CAMTA1: variants seen among roughly 807,000 people sequenced by gnomAD.
CAMTA1 encodes the protein calmodulin binding transcription activator 1.
CAMTA1 carries 27 observed loss-of-function variants against 170.9 expected under a neutral mutation model. The observed-to-expected ratio is 0.16, with a 90% confidence interval of 0.12 to 0.22. CAMTA1 has a LOEUF of 0.22. Among genes scored for constraint, CAMTA1 ranks in the 10% least tolerant of loss-of-function variants. CAMTA1 has a pLI of 1.00. For synonymous variants in CAMTA1, 833 were observed against 891.5 expected (o/e 0.93, Z 1.17); for missense variants, 1,619 against 2,217.2 (o/e 0.73, Z 5.42).
At chr1:7,345,737 C>G (rs1272514928) in intron 5 of CAMTA1, among the ~76,000 whole-genome samples, 1 of 152,198 alleles carries the variant, frequency 6.6e-6, no homozygotes, top group Non-Finnish European at 1.5e-5. Context: ...GCTGGGCATG[C>G]AGTCAGGGCT....
chr1:7,516,871 G>A (rs2094293836), intron 6 of CAMTA1, among the ~76,000 whole-genome samples: 1 of 152,174 alleles, frequency 6.6e-6, no homozygotes. Flanking sequence ...GCTCTTGTTT[G>A]TAAAATGGGC....
chr1:7,398,834 G>A (rs926504056), intron 5 of CAMTA1, among the ~76,000 whole-genome samples: 6 of 151,536 alleles, frequency 4.0e-5, no homozygotes, highest in East Asian at 1.9e-4. Context: ...TAGTTACTAC[G>A]GGGTTTACAT....
chr1:7,549,137 G>T (rs1228062868), intron 6 of CAMTA1, among the ~76,000 whole-genome samples: 3 of 146,158 alleles, frequency 2.1e-5, no homozygotes, highest in Admixed American at 2.0e-4. Flanking sequence ...GATGCCCATG[G>T]AGGTGTCCCT....
intron 11 of CAMTA1, among the ~76,000 whole-genome samples, chr1:7,731,571 CAAAAAAAAAAAA>C (rs536530455): frequency 1.1e-5 from 1 of 87,026 alleles, no homozygotes; most frequent in Non-Finnish European, 2.4e-5. Flanking sequence ...CACTCTGTCT[CAAAAAAAAAAAA>C]AAAAGAAAAG....
intron 5 of CAMTA1, among the ~76,000 whole-genome samples, chr1:7,309,045 G>A (rs1676033424): frequency 6.6e-6 from 1 of 152,088 alleles, no homozygotes; most frequent in Admixed American, 6.5e-5. Context: ...TTATTAAGCA[G>A]TGTCTCTTTT....
intron 3 of CAMTA1, among the ~76,000 whole-genome samples, chr1:7,017,158 C>T (rs72638600): frequency 0.047 from 7,100 of 152,294 alleles, 206 homozygotes; most frequent in Non-Finnish European, 0.067. Context: ...CTCAGGACCT[C>T]CTGGTGCTAC....
chr1:7,766,359 G>T, intron 22 of CAMTA1, 100 bp from the exon 23 acceptor site: 1 of 1,070,502 alleles, frequency 9.3e-7, no homozygotes, highest in Non-Finnish European at 1.4e-6. Context: ...TTTTAGTCTT[G>T]GCTTTTCAGT....
chr1:7,604,720 T>C (rs2095472375), intron 6 of CAMTA1, among the ~76,000 whole-genome samples: 1 of 152,250 alleles, frequency 6.6e-6, no homozygotes, highest in Non-Finnish European at 1.5e-5. Context: ...CCGTTGCTGG[T>C]GAGGAGCTGG....
intron 5 of CAMTA1, among the ~76,000 whole-genome samples, chr1:7,306,489 T>G (rs1675609875): frequency 6.6e-6 from 1 of 152,054 alleles, no homozygotes; most frequent in African/African-American, 2.4e-5. Flanking sequence ...TCTATTCATT[T>G]TTGTGCCTAT....
rs560407193 is a variant in CAMTA1 at position 7,665,552 on chromosome 1, A to T, written c.2652+353A>T. The stretch of plus-strand genomic sequence containing the variant: ...AACGTAGTGAGAACTGGTTTCAACA[A>T]AATATTAAAAAAATAAGCCAGGTGT... On this transcript the variant is annotated intron_variant, in intron 9 of 22. Transcript: ENST00000303635. The surrounding 1 kb of genome is among the most constrained non-coding windows in gnomAD (Gnocchi z 4.3). Among the ~76,000 whole-genome samples the T allele has an allele frequency of 1.3e-4, 20 of 152,132 alleles. 1 individual carries two copies. The South Asian group carries it at 4.0e-3, about 30-fold the overall frequency.
chr1:7,448,190 C>CA (rs1248799603), intron 5 of CAMTA1, among the ~76,000 whole-genome samples: 1 of 152,200 alleles, frequency 6.6e-6, no homozygotes, highest in Non-Finnish European at 1.5e-5. Flanking sequence ...GAGGAGGGCA[C>CA]AAAGATTGAT....
intron 3 of CAMTA1, among the ~76,000 whole-genome samples, chr1:7,011,494 G>A (rs1041588124): frequency 6.6e-6 from 1 of 151,972 alleles, no homozygotes. Context: ...TGAAGATGCG[G>A]AGGACCTACC....
chr1:7,559,593 C>T lies in CAMTA1; in HGVS notation c.511-80807C>T, dbSNP rs76759240. Reference sequence around the variant, plus strand: ...GCCCTGCAGAAGGACCTGCTAATGCCACGGTTTGGGGAGGTGTTGGAGGGG... The same window carrying T: ...GCCCTGCAGAAGGACCTGCTAATGCTACGGTTTGGGGAGGTGTTGGAGGGG... On this transcript the variant is annotated intron_variant, in intron 6 of 22. Coordinates refer to ENST00000303635, the MANE Select transcript of CAMTA1 (RefSeq NM_015215.4). Among the ~76,000 whole-genome samples the T allele has an allele frequency of 5.1e-3, 779 of 152,306 alleles. 11 individuals are homozygous for T. The South Asian group carries it at 0.052, about 10-fold the overall frequency.
chr1:6,791,942 T>C (rs1371748350), intron 1 of CAMTA1, among the ~76,000 whole-genome samples: 1 of 152,062 alleles, frequency 6.6e-6, no homozygotes, highest in East Asian at 1.9e-4. Context: ...ATGATAATTG[T>C]CATGCATTTA....
intron 3 of CAMTA1, among the ~76,000 whole-genome samples, chr1:6,938,139 T>C (rs1685775146): frequency 6.6e-6 from 1 of 152,236 alleles, no homozygotes; most frequent in South Asian, 2.1e-4. Context: ...TATACAGTAC[T>C]GTTAAGATTT....
Position 7,034,430 on chromosome 1 carries a change from C to T in CAMTA1, c.235-56874C>T, listed in dbSNP as rs376732511. On this transcript the variant is annotated intron_variant, in intron 3 of 22. Coordinates refer to ENST00000303635, the MANE Select transcript of CAMTA1 (RefSeq NM_015215.4). ...CGGCCTCCCAAAGTGTTGAGATTACCGGCGTGAGCCACGTGCCCAGCCGAT... is the reference window on the plus strand; with the variant it reads ...CGGCCTCCCAAAGTGTTGAGATTACTGGCGTGAGCCACGTGCCCAGCCGAT... Among the ~76,000 whole-genome samples, 34 of 152,186 alleles carry T rather than the reference C, an allele frequency of 2.2e-4. 1 individual carries two copies. The East Asian group carries it at 3.7e-3, about 17-fold the overall frequency.
chr1:7,190,289 A>T (rs533539817), intron 4 of CAMTA1, among the ~76,000 whole-genome samples: 14 of 152,312 alleles, frequency 9.2e-5, no homozygotes, highest in Admixed American at 2.6e-4. Flanking sequence ...GAAATAAAAA[A>T]TTTTTTAAAA....
chr1:7,593,349 G>T (rs2095369143), intron 6 of CAMTA1, among the ~76,000 whole-genome samples: 2 of 152,132 alleles, frequency 1.3e-5, no homozygotes, highest in African/African-American at 4.8e-5. Flanking sequence ...CCAGTGGGAA[G>T]AAGTAGATGA....
chr1:7,648,169 A>G (rs1267810238), intron 7 of CAMTA1, among the ~76,000 whole-genome samples: 1 of 152,154 alleles, frequency 6.6e-6, no homozygotes, highest in Admixed American at 6.5e-5. Context: ...TGAGGCAGGT[A>G]GATCACCTGA....
Sources: allele counts gnomAD v4.1 joint callset (sites outside exome capture counted in the v4.1 genomes callset), GRCh38; gene constraint gnomAD v4.1.1; non-coding constraint Gnocchi (gnomAD v3.1); transcripts MANE v1.5; gene names NCBI Gene and HGNC (gene_info 2026-07-23, HGNC 2026-07-21).